Variants in GPR89B observed in about 807,000 individuals in gnomAD.
The protein encoded by GPR89B is golgi pH regulator B.
A neutral mutation model predicts 52.4 loss-of-function variants in GPR89B; 25 were observed. That is an observed-to-expected ratio of 0.48 (90% CI 0.35 to 0.67). The LOEUF is 0.67. Among genes scored for constraint, GPR89B ranks in the 30% least tolerant of loss-of-function variants. The pLI, the probability that GPR89B is intolerant of heterozygous loss-of-function variation, is 0.01. For synonymous variants in GPR89B, 52 were observed against 151.2 expected (o/e 0.34, Z 4.81); for missense variants, 146 against 450.2 (o/e 0.32, Z 6.11).
At chr1:147,985,530 G>T (rs1658600979) in intron 10 of GPR89B, among the ~76,000 whole-genome samples, 1 of 151,888 alleles carries the variant, frequency 6.6e-6, no homozygotes, top group Non-Finnish European at 1.5e-5. Flanking sequence ...ACGCAGCCAA[G>T]TCCATTCATT....
chr1:148,008,803 A>G, the GPR89B span, among the ~76,000 whole-genome samples: 2 of 152,174 alleles, frequency 1.3e-5, no homozygotes, highest in Non-Finnish European at 2.9e-5. Flanking sequence ...GGATACTATC[A>G]AAATGTTACA....
At chr1:147,971,913 A>C (rs1278395434) in intron 10 of GPR89B, among the ~76,000 whole-genome samples, 1 of 151,590 alleles carries the variant, frequency 6.6e-6, no homozygotes, top group East Asian at 1.9e-4. Context: ...AAGACAGAGA[A>C]CACATCCATC....
chr1:148,006,611 G>A, the GPR89B span, among the ~76,000 whole-genome samples: 1 of 152,082 alleles, frequency 6.6e-6, no homozygotes, highest in South Asian at 2.1e-4. Flanking sequence ...ATTAGGCACA[G>A]TAAGAGATTA....
At chr1:148,002,834 C>T in the GPR89B span, among the ~76,000 whole-genome samples, 2 of 152,182 alleles carry the variant, frequency 1.3e-5, no homozygotes, top group African/African-American at 4.8e-5. Context: ...TGACTCCCAC[C>T]TTCCTGGAAT....
At chr1:147,965,674 G>T (rs1656977002) in intron 7 of GPR89B, among the ~76,000 whole-genome samples, 1 of 152,078 alleles carries the variant, frequency 6.6e-6, no homozygotes, top group African/African-American at 2.4e-5. Flanking sequence ...TACAGAAGGT[G>T]AGGGTATTGG....
chr1:147,946,984 T>A (rs1553249901), intron 5 of GPR89B, among the ~76,000 whole-genome samples: 1 of 152,036 alleles, frequency 6.6e-6, no homozygotes, highest in Admixed American at 6.6e-5. Flanking sequence ...ACTGCCTTCT[T>A]AGAGCTTTCC....
At chr1:147,977,914 T>C (rs1389938578) in intron 10 of GPR89B, among the ~76,000 whole-genome samples, 1 of 151,870 alleles carries the variant, frequency 6.6e-6, no homozygotes, top group Non-Finnish European at 1.5e-5. Context: ...TTGGCTTCTT[T>C]GCATTGGGTT....
At chr1:147,928,715 A>G in intron 1 of GPR89B, 137 bp downstream of exon 1, 1 of 1,316,862 alleles carries the variant, frequency 7.6e-7, no homozygotes, top group South Asian at 1.2e-5. Context: ...TGGCACACAG[A>G]GAGGGTGTGC....
At chr1:147,955,223 C>T (rs1335473990) in intron 7 of GPR89B, among the ~76,000 whole-genome samples, 3 of 151,942 alleles carry the variant, frequency 2.0e-5, no homozygotes, top group Non-Finnish European at 2.9e-5. Context: ...CAAGTTGTCA[C>T]AAATGAAAGA....
At chr1:148,025,793 A>C in the GPR89B span, 5 of 145,122 alleles carry the variant, frequency 3.4e-5, no homozygotes, top group East Asian at 9.8e-4. Context: ...AGGAAAGGCT[A>C]TGGGAGCACA....
intron 3 of GPR89B, among the ~76,000 whole-genome samples, chr1:147,939,910 G>C (rs1329695828): frequency 1.1e-4 from 16 of 151,602 alleles, no homozygotes; most frequent in Non-Finnish European, 2.1e-4. Context: ...TGAAGCAGGA[G>C]GATCCCTTGA....
At chr1:147,950,767 C>G in intron 5 of GPR89B, among the ~76,000 whole-genome samples, 1 of 152,188 alleles carries the variant, frequency 6.6e-6, no homozygotes, top group South Asian at 2.1e-4. Context: ...CCCGTCTCCA[C>G]CAAAAAAATA....
At chr1:148,007,544 G>C in the GPR89B span, among the ~76,000 whole-genome samples, 4 of 148,232 alleles carry the variant, frequency 2.7e-5, no homozygotes, top group Admixed American at 1.4e-4. Context: ...TCTTCTTACA[G>C]CTATTTTGAA....
chr1:148,013,913 A>G, the GPR89B span, among the ~76,000 whole-genome samples: 1 of 151,810 alleles, frequency 6.6e-6, no homozygotes, highest in Non-Finnish European at 1.5e-5. Context: ...TACAGCGGGT[A>G]GGGAGAGGGC....
At chr1:148,005,998 A>G in the GPR89B span, among the ~76,000 whole-genome samples, 1 of 152,080 alleles carries the variant, frequency 6.6e-6, no homozygotes, top group African/African-American at 2.4e-5. Context: ...TCGAAATCCA[A>G]TGGTAAAGAC....
chr1:147,988,756 T>C (rs1478813815), intron 12 of GPR89B, among the ~76,000 whole-genome samples: 1 of 150,868 alleles, frequency 6.6e-6, no homozygotes, highest in Non-Finnish European at 1.5e-5. Flanking sequence ...CCCAACTACT[T>C]GGGAGGCTGA....
intron 10 of GPR89B, among the ~76,000 whole-genome samples, chr1:147,970,551 C>CTA (rs1657383919): frequency 1.6e-5 from 2 of 126,610 alleles, no homozygotes; most frequent in African/African-American, 6.3e-5. Context: ...ATCTCTCTCT[C>CTA]TCTATCTCTC....
intron 1 of GPR89B, among the ~76,000 whole-genome samples, 178 bp from the exon 2 acceptor site, chr1:147,936,449 A>C (rs1370298059): frequency 6.6e-6 from 1 of 152,254 alleles, no homozygotes; most frequent in African/African-American, 2.4e-5. Context: ...AGGGCATTTA[A>C]AAATTTATTT....
At chr1:147,975,706 G>A (rs1480943484) in intron 10 of GPR89B, among the ~76,000 whole-genome samples, 1 of 152,054 alleles carries the variant, frequency 6.6e-6, no homozygotes, top group Non-Finnish European at 1.5e-5. Flanking sequence ...TAGCTTTGGG[G>A]TTTGTTTGCT....
Sources: allele counts gnomAD v4.1 joint callset (sites outside exome capture counted in the v4.1 genomes callset), GRCh38; gene constraint gnomAD v4.1.1; transcripts MANE v1.5; gene names NCBI Gene and HGNC (gene_info 2026-07-23, HGNC 2026-07-21).